ANKFN1: variants seen among roughly 807,000 people sequenced by gnomAD.
ANKFN1 encodes the protein ankyrin repeat and fibronectin type-III domain-containing protein 1.
ANKFN1 carries 74 observed loss-of-function variants against 108.7 expected under a neutral mutation model. That is an observed-to-expected ratio of 0.68 (90% CI 0.56 to 0.83). ANKFN1 has a LOEUF of 0.83. ANKFN1 is among the 40% of genes least tolerant of loss of function. The pLI, the probability that ANKFN1 is intolerant of heterozygous loss-of-function variation, is 0.00. For synonymous variants in ANKFN1, 547 were observed against 516.2 expected, an observed-to-expected ratio of 1.06 and a Z score of -0.81; for missense variants, 1,505 against 1,382.3, an observed-to-expected ratio of 1.09 and a Z score of -1.41.
chr17:56,305,862 GT>G, intron 3 of ANKFN1, among the ~76,000 whole-genome samples: 1 of 152,072 alleles, frequency 6.6e-6, no homozygotes, highest in Non-Finnish European at 1.5e-5. Context: ...TTGGTTTGGT[GT>G]TTTTTGCCTC....
intron 1 of ANKFN1, among the ~76,000 whole-genome samples, chr17:56,166,911 T>C (rs928962437): frequency 9.2e-5 from 14 of 152,152 alleles, no homozygotes; most frequent in African/African-American, 3.1e-4. Flanking sequence ...CAACCTATGT[T>C]CAAAGTCCAG....
At chr17:56,072,847 A>G (rs745645101) in intron 4 of ANKFN1, among the ~76,000 whole-genome samples, 35 of 152,332 alleles carry the variant, frequency 2.3e-4, no homozygotes, top group Non-Finnish European at 3.1e-4. Context: ...GGAAAGGAAT[A>G]TGTGCAGTGG....
At chr17:56,366,255 A>G (rs1029072115) in intron 6 of ANKFN1, among the ~76,000 whole-genome samples, 1 of 152,194 alleles carries the variant, frequency 6.6e-6, no homozygotes, top group Non-Finnish European at 1.5e-5. Context: ...TTCAGCTGTT[A>G]TTACAAAAGA....
intron 3 of ANKFN1, among the ~76,000 whole-genome samples, chr17:56,317,585 G>A (rs1189202676): frequency 6.6e-6 from 1 of 152,174 alleles, no homozygotes; most frequent in Non-Finnish European, 1.5e-5. Context: ...AGACATAAGA[G>A]ACCATCAGAA....
intron 11 of ANKFN1, among the ~76,000 whole-genome samples, chr17:56,454,902 T>C (rs2049633935): frequency 6.6e-6 from 1 of 152,182 alleles, no homozygotes; most frequent in Non-Finnish European, 1.5e-5. Flanking sequence ...GTTTGTCTGT[T>C]GATTTCCAGA....
chr17:56,482,619 C>T (rs1440184741), intron 18 of ANKFN1, 95 bp downstream of exon 18: 4 of 1,403,122 alleles, frequency 2.9e-6, no homozygotes, highest in Non-Finnish European at 9.7e-7. Context: ...AGTGGAGGGT[C>T]AATAAATCAC....
At chr17:56,413,131 T>C (rs2048144827) in intron 8 of ANKFN1, among the ~76,000 whole-genome samples, 1 of 152,204 alleles carries the variant, frequency 6.6e-6, no homozygotes, top group African/African-American at 2.4e-5. Flanking sequence ...TTTTTTTAAA[T>C]CTTTCACTTC....
At chr17:56,299,781 C>T (rs923821749) in intron 3 of ANKFN1, among the ~76,000 whole-genome samples, 5 of 152,106 alleles carry the variant, frequency 3.3e-5, no homozygotes, top group African/African-American at 1.2e-4. Context: ...CATGGTAAAC[C>T]CCAATAAGAG....
At position 56,098,417 on chromosome 17, in the gene ANKFN1, A is replaced by AACAC. The variant is rs139037719; in HGVS notation, c.288+52111_288+52114dup. Among the ~76,000 whole-genome samples the AACAC allele has an allele frequency of 8.3e-3, 1,219 of 146,574 alleles. 16 individuals carry two copies. Among genetic ancestry groups the AACAC allele is most frequent in the Non-Finnish European group, 9.3e-3 (626 of 67,556 alleles). On this transcript the variant is annotated intron_variant, in intron 4 of 12. Coordinates refer to the ANKFN1 transcript ENST00000635860. The stretch of plus-strand genomic sequence containing the variant: ...AGCCCCTGCTACACACATACACACA[A>AACAC]ACACACACACACACACACACACGCG...
At chr17:56,075,267 T>C (rs1226496706) in intron 4 of ANKFN1, among the ~76,000 whole-genome samples, 1 of 152,196 alleles carries the variant, frequency 6.6e-6, no homozygotes, top group African/African-American at 2.4e-5. Context: ...TTCATTTTCC[T>C]TCTCTGTACA....
chr17:56,372,005 AT>A (rs2046823511), intron 6 of ANKFN1, among the ~76,000 whole-genome samples: 1 of 152,200 alleles, frequency 6.6e-6, no homozygotes, highest in East Asian at 1.9e-4. Context: ...TCAATTTCTG[AT>A]CACATTCAAG....
intron 4 of ANKFN1, among the ~76,000 whole-genome samples, chr17:56,347,752 G>T (rs2144654357): frequency 6.6e-6 from 1 of 152,150 alleles, no homozygotes; most frequent in African/African-American, 2.4e-5. Flanking sequence ...GGGACAGCTG[G>T]GGGAGGATGA....
At chr17:56,489,939 C>A (rs1027501566) in intron 18 of ANKFN1, among the ~76,000 whole-genome samples, 3 of 152,014 alleles carry the variant, frequency 2.0e-5, no homozygotes, top group African/African-American at 7.3e-5. Context: ...ATATTATAGA[C>A]CTGAAACACC....
intron 8 of ANKFN1, among the ~76,000 whole-genome samples, chr17:56,375,099 C>A (rs940784514): frequency 7.2e-5 from 11 of 152,016 alleles, no homozygotes; most frequent in African/African-American, 2.4e-4. Flanking sequence ...TTAAAAAAAA[C>A]AATAACTAAA....
chr17:56,468,577 A>G (rs1685406867), intron 15 of ANKFN1, among the ~76,000 whole-genome samples: 1 of 152,010 alleles, frequency 6.6e-6, no homozygotes, highest in Non-Finnish European at 1.5e-5. Flanking sequence ...TTGCACAGAA[A>G]CAACCCAAAT....
intron 1 of ANKFN1, among the ~76,000 whole-genome samples, chr17:56,204,575 A>T (rs899380631): frequency 6.6e-6 from 1 of 151,920 alleles, no homozygotes; most frequent in African/African-American, 2.4e-5. Context: ...TACTGACCTC[A>T]AGTGATCTGC....
At chr17:56,218,825 T>C (rs1309111542) in intron 2 of ANKFN1, among the ~76,000 whole-genome samples, 1 of 152,238 alleles carries the variant, frequency 6.6e-6, no homozygotes. Flanking sequence ...CATAAAAAGA[T>C]TTCTTGATCT....
chr17:56,214,060 ATTAAT>A (rs2143825864), intron 2 of ANKFN1, among the ~76,000 whole-genome samples: 1 of 152,292 alleles, frequency 6.6e-6, no homozygotes, highest in African/African-American at 2.4e-5. Flanking sequence ...CTCAGTGGCA[ATTAAT>A]TTAAAACATT....
chr17:56,117,215 G>A (rs1455805866), intron 4 of ANKFN1, among the ~76,000 whole-genome samples: 2 of 152,116 alleles, frequency 1.3e-5, no homozygotes, highest in Non-Finnish European at 2.9e-5. Context: ...GCCTGAAGTG[G>A]GGCCAAGCAC....
Sources: allele counts gnomAD v4.1 joint callset (sites outside exome capture counted in the v4.1 genomes callset), GRCh38; gene constraint gnomAD v4.1.1; transcripts MANE v1.5; gene names NCBI Gene and HGNC (gene_info 2026-07-23, HGNC 2026-07-21).